Variants in TANC2 observed in about 807,000 individuals in gnomAD.
TANC2 encodes tetratricopeptide repeat, ankyrin repeat and coiled-coil containing 2, also known as protein TANC2.
In TANC2, 26 loss-of-function variants were observed where a neutral mutation model predicts 210.5. The ratio of observed to expected loss-of-function variants is 0.12; its 90% CI spans 0.09 to 0.17. The LOEUF is 0.17. TANC2 is among the 10% of genes least tolerant of loss of function. TANC2 has a pLI of 1.00. For synonymous variants in TANC2, 931 were observed against 967.1 expected (o/e 0.96, Z 0.69); for missense variants, 2,129 against 2,608.9 (o/e 0.82, Z 4.01).
intron 7 of TANC2, among the ~76,000 whole-genome samples, chr17:63,230,714 C>G (rs1158793528): frequency 6.6e-6 from 1 of 152,062 alleles, no homozygotes; most frequent in Admixed American, 6.5e-5. Context: ...CAGTAAGTGC[C>G]AGGTGGTGCC....
chr17:63,395,460 G>A (rs774487356), intron 17 of TANC2, among the ~76,000 whole-genome samples: 1 of 152,150 alleles, frequency 6.6e-6, no homozygotes, highest in African/African-American at 2.4e-5. Flanking sequence ...TCAGGAAGAC[G>A]AAGCTCAAAC....
chr17:62,969,124 A>G (rs1222933487), intron 1 of TANC2, among the ~76,000 whole-genome samples: 3 of 152,166 alleles, frequency 2.0e-5, no homozygotes, highest in Non-Finnish European at 4.4e-5. Flanking sequence ...GTTTAAGCCC[A>G]TGTTGTTCAA....
chr17:63,293,096 G>A (rs906383278), intron 9 of TANC2, among the ~76,000 whole-genome samples: 7 of 152,150 alleles, frequency 4.6e-5, no homozygotes, highest in African/African-American at 1.4e-4. Context: ...ATTGCTTTCC[G>A]TTCTTCAAAA....
chr17:63,338,982 T>G (rs996640800), intron 11 of TANC2: 2 of 152,278 alleles, frequency 1.3e-5, no homozygotes, highest in African/African-American at 4.8e-5. Context: ...AGAGGTGGTG[T>G]TCTCGAAGAG....
intron 9 of TANC2, among the ~76,000 whole-genome samples, chr17:63,314,028 G>A (rs188738249): frequency 7.2e-4 from 109 of 152,288 alleles, no homozygotes; most frequent in African/African-American, 2.5e-3. Flanking sequence ...ATCCCGTGGC[G>A]TAGCAGGAGG....
At chr17:63,238,509 A>G (rs573182888) in intron 8 of TANC2, among the ~76,000 whole-genome samples, 4 of 152,318 alleles carry the variant, frequency 2.6e-5, no homozygotes, top group Middle Eastern at 3.4e-3. Context: ...CATAGTTTGT[A>G]AAAGTGGAAG....
intron 2 of TANC2, among the ~76,000 whole-genome samples, chr17:63,030,401 C>G (rs532938674): frequency 6.6e-6 from 1 of 152,156 alleles, no homozygotes; most frequent in Non-Finnish European, 1.5e-5. Context: ...ATTTCTTTCT[C>G]TCTGCCATTT....
chr17:63,007,633 TTGAG>T (rs950641358), intron 1 of TANC2, among the ~76,000 whole-genome samples: 1 of 152,172 alleles, frequency 6.6e-6, no homozygotes, highest in African/African-American at 2.4e-5. Flanking sequence ...ACATGAGTTT[TTGAG>T]TTATTGAAGT....
chr17:63,398,821 A>G (rs1208404617), exon 19 of TANC2: 3 of 1,576,252 alleles, frequency 1.9e-6, no homozygotes, highest in Non-Finnish European at 2.6e-6. Context: ...CTTGTTTCAG[A>G]TTGTCTCCTA....
chr17:63,390,018 A>G (rs1179509866), intron 17 of TANC2: 1 of 179,110 alleles, frequency 5.6e-6, no homozygotes, highest in Non-Finnish European at 1.2e-5. Context: ...CTCTAGAGAT[A>G]AGGGGAGAAG....
intron 2 of TANC2, among the ~76,000 whole-genome samples, chr17:63,013,046 T>C (rs2033943371): frequency 1.3e-5 from 2 of 152,034 alleles, no homozygotes. Flanking sequence ...TTTGCCTTCA[T>C]TTTTGTAGAT....
intron 7 of TANC2, among the ~76,000 whole-genome samples, chr17:63,203,510 TCTGA>T (rs1302591039): frequency 6.6e-6 from 1 of 152,212 alleles, no homozygotes; most frequent in Non-Finnish European, 1.5e-5. Context: ...ACCTGTGTCA[TCTGA>T]CTTTCTGATT....
chr17:63,063,877 C>T (rs1401379728), intron 2 of TANC2, among the ~76,000 whole-genome samples: 2 of 152,060 alleles, frequency 1.3e-5, no homozygotes, highest in Non-Finnish European at 2.9e-5. Flanking sequence ...TTTTTGATGG[C>T]CCAGAGTTCT....
intron 14 of TANC2, among the ~76,000 whole-genome samples, chr17:63,369,003 G>A (rs903578313): frequency 3.9e-5 from 6 of 152,150 alleles, no homozygotes; most frequent in Admixed American, 6.5e-5. Context: ...TGCCACACTC[G>A]TGTTCCTAGT....
At chr17:63,044,528 G>A in intron 2 of TANC2, among the ~76,000 whole-genome samples, 1 of 151,858 alleles carries the variant, frequency 6.6e-6, no homozygotes, top group Non-Finnish European at 1.5e-5. Context: ...GAATTTTCTG[G>A]TCTTTTTTGT....
intron 2 of TANC2, among the ~76,000 whole-genome samples, chr17:63,034,423 T>C (rs2034893595): frequency 6.6e-6 from 1 of 152,220 alleles, no homozygotes; most frequent in African/African-American, 2.4e-5. Flanking sequence ...TTCAAGGAGA[T>C]TAATGTTATT....
exon 14 of TANC2, chr17:63,354,839 T>A (rs769364345): frequency 1.9e-6 from 3 of 1,609,744 alleles, no homozygotes; most frequent in Admixed American, 1.7e-5. Context: ...TAGAAGAGAA[T>A]GAAGCCATAG....
chr17:63,343,331 A>G (rs2046300520), intron 12 of TANC2, among the ~76,000 whole-genome samples: 1 of 152,228 alleles, frequency 6.6e-6, no homozygotes. Flanking sequence ...CTTCAAGACA[A>G]GAAGTATTTC....
chr17:62,986,072 A>G lies in TANC2; in HGVS notation c.-24+19323A>G, dbSNP rs2032551863. 2.6e-5 allele frequency among the ~76,000 whole-genome samples: 4 copies of G among 152,138 alleles called. 1 individual carries two copies. The highest frequency in any genetic ancestry group is 5.9e-5 in the Non-Finnish European group (4 of 68,042). On this transcript the variant is annotated intron_variant, in intron 1 of 27. Transcript: ENST00000689528. ...CGGTTAGGTGGGGCATGTTGGCTCT[A>G]TTTCTGGGCAGATGCTGTAGTGTAG...
Sources: gnomAD v4.1 joint callset for allele counts (sites outside exome capture counted in the v4.1 genomes callset) on GRCh38, gnomAD v4.1.1 for gene constraint, MANE v1.5 for transcripts, NCBI Gene and HGNC (gene_info 2026-07-23, HGNC 2026-07-21) for gene names.